The following QPCT variants were observed in gnomAD, a reference collection of about 807,000 sequenced individuals.
The protein encoded by QPCT is EC.
QPCT carries 44 observed loss-of-function variants against 43.4 expected under a neutral mutation model. The observed-to-expected ratio is 1.01, with a 90% CI of 0.80 to 1.30. QPCT has a LOEUF of 1.30. Among genes scored for constraint, QPCT ranks in the 50% most tolerant of loss-of-function variants. The pLI is 0.00. For synonymous variants in QPCT, 168 were observed against 168.4 expected, an observed-to-expected ratio of 1.00 and a Z score of 0.02; for missense variants, 526 against 436.5, an observed-to-expected ratio of 1.21 and a Z score of -1.83.
At chr2:37,347,623 CTCCT>C (rs1297882155) in intron 1 of QPCT, among the ~76,000 whole-genome samples, 3 of 152,122 alleles carry the variant, frequency 2.0e-5, no homozygotes, top group African/African-American at 7.2e-5. Flanking sequence ...TTTCCTTGAT[CTCCT>C]TCATGCAGCT....
rs545269034 is a variant in QPCT at position 37,367,127 on chromosome 2, C to G, written c.547-105C>G. The G allele has an allele frequency of 7.1e-5, 92 of 1,300,478 alleles. No individual in the cohort carries two copies. In the East Asian group the frequency reaches 2.0e-3, roughly 28 times the overall value. The allele number at this position is 1,300,478 out of a possible 1,614,324, so 80.6% of individuals were successfully genotyped here. On this transcript the variant is annotated intron_variant, in intron 3 of 6. Coordinates refer to ENST00000338415, the MANE Select transcript of QPCT (RefSeq NM_012413.4). ...TAGTTTCACTTGCTTTGGTATCTTC[C>G]TTTCTTTATGGCACATCTATCTTTT...
At chr2:37,369,581 T>A (rs1392437847) in intron 4 of QPCT, 104 bp from the exon 5 acceptor site, 2 of 831,062 alleles carry the variant, frequency 2.4e-6, no homozygotes, top group Non-Finnish European at 4.1e-6. Context: ...CATATTATTC[T>A]CAATTACTGA....
In QPCT at chr2:37,367,341, T is replaced by C. The variant is rs367739079; in HGVS notation, c.656T>C (p.Leu219Ser). 112 of 1,613,990 alleles carry C rather than the reference T, an allele frequency of 6.9e-5. No individual in the cohort carries two copies. Among genetic ancestry groups the C allele is most frequent in the Non-Finnish European group, 9.1e-5 (107 of 1,179,998 alleles). The change falls in exon 4 of 7, where the codon TTA (leucine) becomes TCA (serine). Residue 219 changes from leucine (L) to serine (S), a missense_variant. By Grantham distance (145) the Leu-to-Ser change is moderately radical (BLOSUM62 -2). Coordinates refer to ENST00000338415, the MANE Select transcript of QPCT (RefSeq NM_012413.4). ...GATTCTCTCTATGGGTCTCGACACT[T>C]AGCTGCAAAGATGGCATCGACCCCG... ...PQDSLYGSRH[L>S]AAKMASTPHP...
intron 3 of QPCT, among the ~76,000 whole-genome samples, chr2:37,366,137 T>C (rs976416935): frequency 3.3e-5 from 5 of 151,792 alleles, no homozygotes; most frequent in African/African-American, 9.7e-5. Context: ...TGAAGGACCA[T>C]GAAAAGGTGA....
chr2:37,358,497 G>T (rs1458164762), intron 2 of QPCT, among the ~76,000 whole-genome samples: 1 of 151,932 alleles, frequency 6.6e-6, no homozygotes, highest in East Asian at 1.9e-4. Context: ...ACATAGGAAA[G>T]TGAAGCCAAG....
chr2:37,347,231 C>CATATATATAACATATATATATAACATAT lies in QPCT; in HGVS notation c.120+2389_120+2390insACATATATATATAACATATATATATATA, dbSNP rs1553384286. Among the ~76,000 whole-genome samples the CATATATATAACATATATATATAACATAT allele has an allele frequency of 5.4e-5, 3 of 55,628 alleles. 1 individual carries two copies. In the East Asian group the frequency reaches 2.7e-3, roughly 51 times the overall value. The allele number at this position is 55,628 out of a possible 152,430, so 36.5% of individuals were successfully genotyped here. ...ACATATATATAACATATATATATAA[C>CATATATATAACATATATATATAACATAT]ATATATATATATATAACATATATAT... On this transcript the variant is annotated intron_variant, in intron 1 of 6. Transcript: ENST00000338415.
intron 1 of QPCT, among the ~76,000 whole-genome samples, chr2:37,345,800 C>A (rs1276670542): frequency 6.9e-6 from 1 of 145,730 alleles, no homozygotes; most frequent in Middle Eastern, 3.7e-3. Flanking sequence ...CGCGCCACTG[C>A]GCTCCAACCT....
chr2:37,357,022 A>G (rs1672766174), intron 2 of QPCT, among the ~76,000 whole-genome samples: 1 of 151,476 alleles, frequency 6.6e-6, no homozygotes, highest in African/African-American at 2.4e-5. Flanking sequence ...AAAAAAAAAA[A>G]GTTGCTTCAG....
rs1558599279 is a variant in QPCT at position 37,347,162 on chromosome 2, AT to A, written c.120+2312del. On this transcript the variant is annotated intron_variant, in intron 1 of 6. Transcript: ENST00000338415. Reference sequence around the variant, plus strand: ...GGGTGTTTTATATATATATATATATATAACATATATATATATAACATATATA... The same window carrying A: ...GGGTGTTTTATATATATATATATATAAACATATATATATATAACATATATA... 1.1e-4 allele frequency among the ~76,000 whole-genome samples: 7 copies of A among 65,980 alleles called. 1 individual carries two copies. Among genetic ancestry groups the A allele is most frequent in the Non-Finnish European group, 1.8e-4 (7 of 39,076 alleles). 43.3% of individuals were successfully genotyped at this position (65,980 alleles called of 152,430 possible). A position where few individuals can be genotyped will look rare whatever the true frequency, so the allele number is the denominator to read the frequency against.
At position 37,352,929 on chromosome 2, in the gene QPCT, T is replaced by C; in HGVS notation, c.261T>C (p.Ala87=). ...RYPGSPGSYA[A]RQHIMQRIQR... is the part of the protein sequence containing the mutation. Reference sequence around the variant, plus strand: ...CGGGATCCCCTGGAAGCTATGCTGCTCGTCAGGTGAGAACATGGGACACAA... The same window carrying C: ...CGGGATCCCCTGGAAGCTATGCTGCCCGTCAGGTGAGAACATGGGACACAA... The change falls in exon 2 of 7, where the codon GCT becomes GCC. Residue 87 remains alanine, a synonymous_variant. Transcript: ENST00000338415. 1 of 1,613,188 alleles carries C rather than the reference T, an allele frequency of 6.2e-7. No individual in the cohort carries two copies. Among genetic ancestry groups the C allele is most frequent in the Non-Finnish European group, 8.5e-7 (1 of 1,179,272 alleles).
intron 2 of QPCT, among the ~76,000 whole-genome samples, chr2:37,356,076 C>T (rs1340311800): frequency 6.6e-6 from 1 of 152,138 alleles, no homozygotes; most frequent in African/African-American, 2.4e-5. Context: ...ACTGGAAAAT[C>T]GGCTTCCTCC....
chr2:37,345,835 CAAA>C lies in QPCT; in HGVS notation c.120+1002_120+1004del, dbSNP rs70949752. Among the ~76,000 whole-genome samples the C allele has an allele frequency of 7.5e-3, 616 of 82,588 alleles. 1 individual carries two copies. The highest frequency in any genetic ancestry group is 0.01 in the Non-Finnish European group (436 of 41,884). 54.2% of individuals were successfully genotyped at this position (82,588 alleles called of 152,430 possible). ...TGGGCGACACAGCGAGACTCCGTCT[CAAA>C]AAAAAAAAAAAAAAAAAGAAGTATA... On this transcript the variant is annotated intron_variant, in intron 1 of 6. Coordinates refer to ENST00000338415, the MANE Select transcript of QPCT (RefSeq NM_012413.4).
chr2:37,350,503 C>T lies in QPCT; in HGVS notation c.121-2286C>T, dbSNP rs1423192957. Among the ~76,000 whole-genome samples, 4 of 152,166 alleles carry T rather than the reference C, an allele frequency of 2.6e-5. No homozygotes were observed. The East Asian group carries it at 7.7e-4, about 29-fold the overall frequency. Reference sequence around the variant, plus strand: ...GGAAATATATTTAAAAATGTCCTACCAATAAACAAAGACAAATCTTCTGAT... The same window carrying T: ...GGAAATATATTTAAAAATGTCCTACTAATAAACAAAGACAAATCTTCTGAT... On this transcript the variant is annotated intron_variant, in intron 1 of 6. Transcript: ENST00000338415.
intron 3 of QPCT, among the ~76,000 whole-genome samples, chr2:37,361,229 T>A (rs1471953476): frequency 1.3e-5 from 2 of 152,232 alleles, no homozygotes; most frequent in East Asian, 3.8e-4. Context: ...TTTAACTAAA[T>A]TGGTATTGAG....
chr2:37,367,295 T>C lies in QPCT; in HGVS notation c.610T>C (p.Phe204Leu), dbSNP rs1215570827. The C allele has an allele frequency of 6.2e-7, 1 of 1,613,830 alleles. No homozygotes were observed. The highest frequency in any genetic ancestry group is 8.5e-7 in the Non-Finnish European group (1 of 1,179,880). The change falls in exon 4 of 7, where the codon TTT (phenylalanine) becomes CTT (leucine). Residue 204 changes from phenylalanine to leucine, a missense_variant. Phe to Leu is a conservative substitution (Grantham distance 22). Coordinates refer to ENST00000338415, the MANE Select transcript of QPCT (RefSeq NM_012413.4). ...GATCTTCTTTGATGGTGAAGAGGCT[T>C]TTCTTCACTGGTCTCCTCAAGATTC... ...QLIFFDGEEA[F>L]LHWSPQDSLY... is the part of the protein sequence containing the mutation.
chr2:37,369,829 C>A, intron 5 of QPCT, 45 bp downstream of exon 5: 1 of 1,441,174 alleles, frequency 6.9e-7, no homozygotes, highest in Non-Finnish European at 9.8e-7. Flanking sequence ...TTTCTTGCTA[C>A]TGACAGATAC....
intron 1 of QPCT, among the ~76,000 whole-genome samples, chr2:37,350,690 T>C (rs1672601101): frequency 6.6e-6 from 1 of 152,226 alleles, no homozygotes; most frequent in Non-Finnish European, 1.5e-5. Context: ...CTGGTTTCTA[T>C]GAATCTCAGT....
intron 1 of QPCT, among the ~76,000 whole-genome samples, chr2:37,349,857 A>C (rs915563492): frequency 6.6e-6 from 1 of 152,152 alleles, no homozygotes; most frequent in Non-Finnish European, 1.5e-5. Context: ...CTTTATTATT[A>C]TATAAATACA....
At chr2:37,346,582 A>G (rs754978064) in intron 1 of QPCT, among the ~76,000 whole-genome samples, 5 of 152,222 alleles carry the variant, frequency 3.3e-5, no homozygotes, top group South Asian at 2.1e-4. Context: ...TTTTAAACCA[A>G]TGAGAATTTA....
Sources: allele counts gnomAD v4.1 joint callset (sites outside exome capture counted in the v4.1 genomes callset), GRCh38; gene constraint gnomAD v4.1.1; transcripts MANE v1.5; gene names NCBI Gene and HGNC (gene_info 2026-07-23, HGNC 2026-07-21).